The following LOXL2 variants were observed in gnomAD, a reference collection of about 807,000 sequenced individuals.
LOXL2 encodes lysyl oxidase like 2.
LOXL2 carries 70 observed loss-of-function variants against 93.0 expected under a neutral mutation model. That is an observed-to-expected ratio of 0.75 (90% CI 0.62 to 0.92). The LOEUF (loss-of-function observed/expected upper bound fraction) is 0.92. LOXL2 is among the 40% of genes least tolerant of loss of function. LOXL2 has a pLI of 0.00. For synonymous variants in LOXL2, 438 were observed against 413.2 expected, an observed-to-expected ratio of 1.06 and a Z score of -0.73; for missense variants, 973 against 1,054.9, an observed-to-expected ratio of 0.92 and a Z score of 1.08.
Position 23,309,657 on chromosome 8 carries a change from G to A in LOXL2, c.1880+11C>T, listed in dbSNP as rs1194447471. 2 of 1,425,830 alleles carry A rather than the reference G, an allele frequency of 1.4e-6. No homozygotes were observed. The highest frequency in any genetic ancestry group is 9.3e-7 in the Non-Finnish European group (1 of 1,080,582). The allele number at this position is 1,425,830 out of a possible 1,614,324, so 88.3% of individuals were successfully genotyped here. A position where few individuals can be genotyped will look rare whatever the true frequency, so the allele number is the denominator to read the frequency against. ...GGCAGCTTAGTGGGGAGGGTGGCCAGCCAGGCCTACCTGTGACAGTCGTGC... is the reference window on the plus strand; with the variant it reads ...GGCAGCTTAGTGGGGAGGGTGGCCAACCAGGCCTACCTGTGACAGTCGTGC... On this transcript the variant is annotated intron_variant, in intron 10 of 13. Transcript: ENST00000389131.
intron 3 of LOXL2, among the ~76,000 whole-genome samples, chr8:23,358,365 T>C (rs1220412316): frequency 2.0e-5 from 3 of 152,250 alleles, no homozygotes; most frequent in African/African-American, 4.8e-5. Flanking sequence ...GGAACATATA[T>C]GGAGAGAGAA....
At chr8:23,321,925 C>T in intron 7 of LOXL2, 3 of 579,510 alleles carry the variant, frequency 5.2e-6, no homozygotes, top group South Asian at 4.3e-5. Context: ...CCAGCTCACA[C>T]TGCACACAGG....
intron 2 of LOXL2, among the ~76,000 whole-genome samples, chr8:23,367,048 T>C (rs1804413601): frequency 6.6e-6 from 1 of 152,076 alleles, no homozygotes. Context: ...TGGGTTTTTG[T>C]TTTGTTTTTT....
chr8:23,334,927 C>T (rs1803765935), intron 4 of LOXL2, among the ~76,000 whole-genome samples: 1 of 151,876 alleles, frequency 6.6e-6, no homozygotes, highest in Admixed American at 6.6e-5. Context: ...AGGAATTCTC[C>T]TGCTTCAGCC....
chr8:23,345,990 C>T (rs1404070694), intron 3 of LOXL2, among the ~76,000 whole-genome samples: 3 of 151,862 alleles, frequency 2.0e-5, no homozygotes, highest in Non-Finnish European at 2.9e-5. Context: ...ATGGTGTGAA[C>T]CTGGGAGGCG....
intron 1 of LOXL2, among the ~76,000 whole-genome samples, chr8:23,396,664 C>G (rs1034338383): frequency 6.6e-6 from 1 of 152,222 alleles, no homozygotes; most frequent in Non-Finnish European, 1.5e-5. Context: ...TCTTTCAAAT[C>G]ACAGATTATT....
At chr8:23,300,134 G>A (rs1238675224) in intron 12 of LOXL2, among the ~76,000 whole-genome samples, 1 of 152,260 alleles carries the variant, frequency 6.6e-6, no homozygotes, top group Non-Finnish European at 1.5e-5. Flanking sequence ...CAGCTCCTTG[G>A]CCGCCCAGGC....
chr8:23,309,145 C>G (rs188870415), intron 10 of LOXL2, among the ~76,000 whole-genome samples: 1 of 151,928 alleles, frequency 6.6e-6, no homozygotes, highest in South Asian at 2.1e-4. Flanking sequence ...CCACCATGCC[C>G]GGCTAATTTT....
chr8:23,379,773 C>T (rs1292626171), intron 1 of LOXL2, among the ~76,000 whole-genome samples: 2 of 152,174 alleles, frequency 1.3e-5, no homozygotes, highest in Admixed American at 1.3e-4. Context: ...GTGCTGTTTG[C>T]TAAGACCATT....
chr8:23,330,107 C>T (rs1321560906), intron 5 of LOXL2, among the ~76,000 whole-genome samples: 1 of 152,132 alleles, frequency 6.6e-6, no homozygotes, highest in African/African-American at 2.4e-5. Flanking sequence ...GGGTGGATCA[C>T]GAGGTCAGGA....
chr8:23,355,320 T>A (rs931133811), intron 3 of LOXL2, among the ~76,000 whole-genome samples: 4 of 149,936 alleles, frequency 2.7e-5, no homozygotes, highest in African/African-American at 9.8e-5. Context: ...TCTCCCCCCA[T>A]ATCTCTTTTC....
chr8:23,305,783 C>T (rs1803220457), intron 10 of LOXL2, among the ~76,000 whole-genome samples: 1 of 151,802 alleles, frequency 6.6e-6, no homozygotes, highest in Non-Finnish European at 1.5e-5. Flanking sequence ...CAGCCTTCTA[C>T]CGTGAGACTC....
chr8:23,335,060 C>T (rs997104821), intron 4 of LOXL2, among the ~76,000 whole-genome samples: 14 of 152,162 alleles, frequency 9.2e-5, no homozygotes, highest in African/African-American at 3.1e-4. Flanking sequence ...GGTAATCTGC[C>T]TCCCTCGGCC....
intron 3 of LOXL2, among the ~76,000 whole-genome samples, chr8:23,359,454 G>C (rs1424171295): frequency 6.6e-6 from 1 of 152,134 alleles, no homozygotes; most frequent in East Asian, 1.9e-4. Context: ...CCTACGAAGA[G>C]GCCACATAGA....
intron 3 of LOXL2, among the ~76,000 whole-genome samples, chr8:23,356,684 G>A (rs767370050): frequency 3.9e-5 from 6 of 152,278 alleles, no homozygotes; most frequent in East Asian, 1.9e-4. Context: ...GCCAGAAAGC[G>A]TCCCCCTGGC....
chr8:23,336,093 CA>C (rs2117175731), intron 4 of LOXL2: 1 of 152,418 alleles, frequency 6.6e-6, no homozygotes, highest in East Asian at 1.9e-4. Context: ...GACGCCCACA[CA>C]GGGGCGGGAG....
chr8:23,359,338 T>G (rs192734426), intron 3 of LOXL2, among the ~76,000 whole-genome samples: 25 of 152,256 alleles, frequency 1.6e-4, no homozygotes, highest in African/African-American at 5.8e-4. Flanking sequence ...ACTTCCAAGA[T>G]TAAGTTATGA....
intron 2 of LOXL2, chr8:23,364,588 C>CA (rs1804366599): frequency 6.6e-6 from 1 of 152,188 alleles, no homozygotes; most frequent in Admixed American, 6.5e-5. Flanking sequence ...GTAATCCTAG[C>CA]ACTGTGGGAG....
intron 10 of LOXL2, among the ~76,000 whole-genome samples, chr8:23,306,225 C>T (rs1803227404): frequency 1.3e-5 from 2 of 152,300 alleles, no homozygotes; most frequent in Middle Eastern, 3.4e-3. Context: ...ATGTTCTTTG[C>T]TGTCCTAGGT....
Sources: allele counts gnomAD v4.1 joint callset (sites outside exome capture counted in the v4.1 genomes callset), GRCh38; gene constraint gnomAD v4.1.1; transcripts MANE v1.5; gene names NCBI Gene and HGNC (gene_info 2026-07-23, HGNC 2026-07-21).